PXT1: variants seen among roughly 807,000 people sequenced by gnomAD.
PXT1 encodes the protein peroxisomal testis enriched protein 1.
PXT1 carries 11 observed loss-of-function variants against 11.0 expected under a neutral mutation model. The ratio of observed to expected loss-of-function variants is 1.00; its 90% CI spans 0.63 to 1.66. The LOEUF (loss-of-function observed/expected upper bound fraction) is 1.66. Ranked by LOEUF, PXT1 falls within the 40% of genes most tolerant of loss-of-function variation. The pLI is 0.00. For missense variants in PXT1, 141 were observed against 155.5 expected (o/e 0.91, Z 0.49); for synonymous variants, 43 against 51.4 (o/e 0.84, Z 0.70).
intron 3 of PXT1, among the ~76,000 whole-genome samples, chr6:36,418,727 TG>T (rs1774485284): frequency 6.6e-6 from 1 of 152,148 alleles, no homozygotes; most frequent in African/African-American, 2.4e-5. Context: ...GCAAGCTGAC[TG>T]GGAGAAGATA....
At chr6:36,409,103 A>G (rs1774330909) in intron 3 of PXT1, among the ~76,000 whole-genome samples, 1 of 152,148 alleles carries the variant, frequency 6.6e-6, no homozygotes, top group Non-Finnish European at 1.5e-5. Context: ...TCATCCATTT[A>G]TACTCCTGAT....
At chr6:36,411,639 T>C (rs1774377028) in intron 3 of PXT1, among the ~76,000 whole-genome samples, 1 of 152,082 alleles carries the variant, frequency 6.6e-6, no homozygotes, top group Non-Finnish European at 1.5e-5. Flanking sequence ...CCAGTGTATC[T>C]TTCACTAAAA....
At chr6:36,428,597 A>G (rs1324426310) in intron 2 of PXT1, among the ~76,000 whole-genome samples, 2 of 152,254 alleles carry the variant, frequency 1.3e-5, no homozygotes, top group East Asian at 3.9e-4. Context: ...AAAATATCTA[A>G]CCACAGCCTT....
intron 3 of PXT1, among the ~76,000 whole-genome samples, chr6:36,422,909 C>A (rs1241110952): frequency 5.3e-5 from 8 of 152,188 alleles, no homozygotes; most frequent in Non-Finnish European, 8.8e-5. Flanking sequence ...TCCCGCACAG[C>A]AATGGTGGGC....
At chr6:36,399,031 T>C (rs1774179438) in intron 4 of PXT1, among the ~76,000 whole-genome samples, 1 of 152,240 alleles carries the variant, frequency 6.6e-6, no homozygotes, top group African/African-American at 2.4e-5. Context: ...AATAAATATT[T>C]GTTGGAATGA....
At chr6:36,441,625 G>C (rs1237112113) in intron 1 of PXT1, among the ~76,000 whole-genome samples, 1 of 152,172 alleles carries the variant, frequency 6.6e-6, no homozygotes, top group Non-Finnish European at 1.5e-5. Flanking sequence ...CCATGGGGAC[G>C]TGAGACTGAC....
intron 1 of PXT1, among the ~76,000 whole-genome samples, chr6:36,440,355 G>C (rs555776075): frequency 7.6e-4 from 115 of 152,314 alleles, no homozygotes; most frequent in Non-Finnish European, 1.4e-3. Flanking sequence ...TGGATCACGA[G>C]GTCAGGAGAT....
At chr6:36,407,659 G>A (rs565084897) in intron 3 of PXT1, among the ~76,000 whole-genome samples, 4 of 151,024 alleles carry the variant, frequency 2.6e-5, no homozygotes, top group East Asian at 2.0e-4. Context: ...TCCTGCCTCC[G>A]CGTCCAAAGT....
At chr6:36,437,506 T>G (rs1342545635) in intron 2 of PXT1, among the ~76,000 whole-genome samples, 1 of 114,622 alleles carries the variant, frequency 8.7e-6, no homozygotes, top group African/African-American at 3.3e-5. Context: ...AAAATATTTT[T>G]TGTGTGGGTT....
chr6:36,431,245 C>T (rs375528743), intron 2 of PXT1, among the ~76,000 whole-genome samples: 136 of 152,290 alleles, frequency 8.9e-4, no homozygotes, highest in African/African-American at 3.2e-3. Context: ...GAATGCTGAA[C>T]TCTAAATAAT....
rs1398793130 is a variant in PXT1 at position 36,442,600 on chromosome 6, T to C, written c.-195A>G. 2 of 152,160 alleles carry C rather than the reference T, an allele frequency of 1.3e-5. No homozygotes were observed. Among genetic ancestry groups the C allele is most frequent in the Non-Finnish European group, 2.9e-5 (2 of 68,038 alleles). 9.4% of individuals were successfully genotyped at this position (152,160 alleles called of 1,614,324 possible). ...CCCCCTTTCTTTTGGCCAGAATGTA[T>C]ATCCAGGGTAGTGACTTTCGAGCAA... On this transcript the variant is annotated 5_prime_UTR_variant, in exon 1 of 5. The change creates a new upstream start codon in the 5' untranslated region. Coordinates refer to ENST00000454782, the MANE Select transcript of PXT1 (RefSeq NM_152990.4).
At chr6:36,405,779 T>C (rs1582252901) in intron 3 of PXT1, among the ~76,000 whole-genome samples, 1 of 152,344 alleles carries the variant, frequency 6.6e-6, no homozygotes, top group African/African-American at 2.4e-5. Context: ...CTTTTTACTT[T>C]TTATACCATA....
At chr6:36,392,277 G>A (rs866376532) in intron 4 of PXT1, among the ~76,000 whole-genome samples, 1 of 152,238 alleles carries the variant, frequency 6.6e-6, no homozygotes, top group Non-Finnish European at 1.5e-5. Context: ...CAGTAAATTG[G>A]GGCACTCTTT....
At chr6:36,428,434 T>A (rs1278606741) in intron 2 of PXT1, among the ~76,000 whole-genome samples, 1 of 89,750 alleles carries the variant, frequency 1.1e-5, no homozygotes, top group Admixed American at 1.3e-4. Context: ...AGACAACTAT[T>A]CCTAAATGAG....
Position 36,440,353 on chromosome 6 carries a change from G to A in PXT1, c.-129-1467C>T, listed in dbSNP as rs368594811. Among the ~76,000 whole-genome samples the A allele has an allele frequency of 4.6e-5, 7 of 152,246 alleles. No homozygotes were observed. In the East Asian group the frequency reaches 1.2e-3, roughly 25 times the overall value. On this transcript the variant is annotated intron_variant, in intron 1 of 4. Transcript: ENST00000454782. ...TGGGATGCCGAGGCGGGTGGATCAC[G>A]AGGTCAGGAGATCGAGACCATCTTG...
rs1209107172 is a variant in PXT1, at chr6:36,390,799, A to G, written c.*971T>C. 6.6e-6 allele frequency: 1 copy of G among 152,254 alleles called. No individual in the cohort carries two copies. Among genetic ancestry groups the G allele is most frequent in the Non-Finnish European group, 1.5e-5 (1 of 68,072 alleles). The allele number at this position is 152,254 out of a possible 1,614,324, so 9.4% of individuals were successfully genotyped here. A position where few individuals can be genotyped will look rare whatever the true frequency, so the allele number is the denominator to read the frequency against. On this transcript the variant is annotated 3_prime_UTR_variant, in exon 5 of 5. Coordinates refer to ENST00000454782, the MANE Select transcript of PXT1 (RefSeq NM_152990.4). ...GGAGAGAATGAGTGAAATACATTCC[A>G]CAGGCAAAGGGCCCACCAACCAATA...
At chr6:36,422,301 A>G (rs1214633728) in intron 3 of PXT1, among the ~76,000 whole-genome samples, 1 of 152,142 alleles carries the variant, frequency 6.6e-6, no homozygotes, top group Non-Finnish European at 1.5e-5. Flanking sequence ...AGTAATTGGA[A>G]GGGGAGAGGC....
At chr6:36,417,767 C>CA (rs369423691) in intron 3 of PXT1, among the ~76,000 whole-genome samples, 4,326 of 59,978 alleles carry the variant, frequency 0.072, 106 homozygotes, top group African/African-American at 0.09. Context: ...GATCCTGTCT[C>CA]AAAAAAAAAA....
chr6:36,413,836 A>C (rs1774409799), intron 3 of PXT1, among the ~76,000 whole-genome samples: 1 of 152,066 alleles, frequency 6.6e-6, no homozygotes, highest in Non-Finnish European at 1.5e-5. Context: ...CATCTGTACA[A>C]AAAAATTTAA....
Sources: gnomAD v4.1 joint callset for allele counts (sites outside exome capture counted in the v4.1 genomes callset) on GRCh38, gnomAD v4.1.1 for gene constraint, MANE v1.5 for transcripts, NCBI Gene and HGNC (gene_info 2026-07-23, HGNC 2026-07-21) for gene names.